AGO3: variants seen among roughly 807,000 people sequenced by gnomAD.
AGO3 encodes protein argonaute-3.
A neutral mutation model predicts 105.5 loss-of-function variants in AGO3; 16 were observed. The ratio of observed to expected loss-of-function variants is 0.15; its 90% CI spans 0.10 to 0.23. AGO3 has a LOEUF of 0.23. AGO3 is among the 10% of genes least tolerant of loss of function. The probability of loss-of-function intolerance (pLI) is 1.00; values close to 1 mark genes in which losing one functional copy is unlikely to be tolerated. For missense variants in AGO3, 534 were observed against 1,088.0 expected, an observed-to-expected ratio of 0.49 and a Z score of 7.16; for synonymous variants, 340 against 367.3, an observed-to-expected ratio of 0.93 and a Z score of 0.85.
At chr1:36,047,449 A>G (rs569856533) in intron 17 of AGO3, among the ~76,000 whole-genome samples, 4 of 149,606 alleles carry the variant, frequency 2.7e-5, no homozygotes, top group Non-Finnish European at 4.5e-5. Flanking sequence ...TCGGAGTCAG[A>G]AAAAAAAAAG....
rs529992618 is a variant in AGO3, at chr1:36,072,307, C to T, written c.*16562C>T. On this transcript the variant is annotated 3_prime_UTR_variant, in exon 19 of 19. Coordinates refer to ENST00000373191, the MANE Select transcript of AGO3 (RefSeq NM_024852.4). ...GAAATTGTCATGATTCTTTCTGAGCCAAACTGTCACGAAATGTTCTGTGAC... is the reference window on the plus strand; with the variant it reads ...GAAATTGTCATGATTCTTTCTGAGCTAAACTGTCACGAAATGTTCTGTGAC... 5.9e-5 allele frequency: 9 copies of T among 152,316 alleles called. No individual in the cohort carries two copies. The highest frequency in any genetic ancestry group is 2.2e-4 in the African/African-American group (9 of 41,572). The allele number at this position is 152,316 out of a possible 1,614,324, so 9.4% of individuals were successfully genotyped here.
intron 2 of AGO3, among the ~76,000 whole-genome samples, chr1:35,964,161 T>C (rs1487680920): frequency 6.6e-6 from 1 of 152,140 alleles, no homozygotes; most frequent in Non-Finnish European, 1.5e-5. Context: ...GTATTTAAGT[T>C]CAGAGGTATA....
intron 5 of AGO3, among the ~76,000 whole-genome samples, chr1:35,995,792 C>T (rs1024372990): frequency 3.3e-5 from 5 of 152,136 alleles, no homozygotes; most frequent in Admixed American, 1.3e-4. Context: ...ATTCCCCCAC[C>T]TCAGCCTCCT....
intron 2 of AGO3, among the ~76,000 whole-genome samples, chr1:35,953,880 T>A (rs916372120): frequency 4.6e-5 from 7 of 152,188 alleles, no homozygotes; most frequent in Non-Finnish European, 8.8e-5. Flanking sequence ...ATGTTCTAGA[T>A]AAAAGTCCCT....
At chr1:36,012,130 T>C (rs909736086) in intron 9 of AGO3, among the ~76,000 whole-genome samples, 18 of 149,940 alleles carry the variant, frequency 1.2e-4, no homozygotes, top group Non-Finnish European at 1.5e-5. Context: ...AGCCCAGGAG[T>C]TCAAGACCAG....
chr1:35,958,146 G>C (rs979938067), intron 2 of AGO3, among the ~76,000 whole-genome samples: 7 of 152,140 alleles, frequency 4.6e-5, no homozygotes, highest in Admixed American at 2.0e-4. Context: ...ACTTTGGGAG[G>C]CCAAGGCGGG....
At position 36,013,761 on chromosome 1, in the gene AGO3, T is replaced by G; in HGVS notation, c.1272+9T>G. 1 of 1,612,642 alleles carries G rather than the reference T, an allele frequency of 6.2e-7. No homozygotes were observed. Among genetic ancestry groups the G allele is most frequent in the Non-Finnish European group, 8.5e-7 (1 of 1,178,950 alleles). On this transcript the variant is annotated intron_variant, in intron 10 of 18. Transcript: ENST00000373191. Reference sequence around the variant, plus strand: ...TCCAGTATGGAGGACGGGTAAAGTCTCTTGTTAATGTTTTAATCATACACA... The same window carrying G: ...TCCAGTATGGAGGACGGGTAAAGTCGCTTGTTAATGTTTTAATCATACACA...
intron 8 of AGO3, chr1:36,009,262 A>G (rs1182368313): frequency 2.4e-6 from 2 of 816,530 alleles, no homozygotes; most frequent in Non-Finnish European, 1.8e-6. Context: ...TTGGTATACT[A>G]TACTTCTTTC....
At chr1:35,993,079 A>C (rs1647836150) in intron 5 of AGO3, among the ~76,000 whole-genome samples, 1 of 152,168 alleles carries the variant, frequency 6.6e-6, no homozygotes, top group South Asian at 2.1e-4. Flanking sequence ...TGAAAGTTAC[A>C]TTCTTTTATT....
At chr1:35,940,332 G>T (rs1462294100) in intron 1 of AGO3, among the ~76,000 whole-genome samples, 2 of 152,296 alleles carry the variant, frequency 1.3e-5, no homozygotes, top group East Asian at 3.9e-4. Context: ...CTCCCAGAGT[G>T]CTGGGATTAC....
At chr1:36,005,149 C>T (rs1254438357) in intron 6 of AGO3, among the ~76,000 whole-genome samples, 1 of 151,930 alleles carries the variant, frequency 6.6e-6, no homozygotes, top group African/African-American at 2.4e-5. Context: ...TCTGATACTC[C>T]CTAATCAGAA....
At chr1:35,995,209 A>ATATATATATATATATATATAT (rs1553164849) in intron 5 of AGO3, among the ~76,000 whole-genome samples, 3 of 114,734 alleles carry the variant, frequency 2.6e-5, no homozygotes, top group African/African-American at 1.1e-4. Flanking sequence ...TAAAAAAAAA[A>ATATATATATATATATATATAT]ATATATATAT....
chr1:35,949,195 G>T (rs561629859), intron 2 of AGO3, among the ~76,000 whole-genome samples: 1 of 152,238 alleles, frequency 6.6e-6, no homozygotes. Flanking sequence ...TGCCTGCCCC[G>T]GCCTCCCAAA....
Position 36,027,085 on chromosome 1 carries a change from GTT to G in AGO3, c.1407-26_1407-25del. ...TGTAGGAATTCATGACTAGACAAAG[GTT>G]TTATATTTAGTGGTTTCTCCTTCCA... On this transcript the variant is annotated intron_variant, in intron 11 of 18. Transcript: ENST00000373191. This position sits in a 1 kb window ranked among gnomAD's most constrained non-coding sequence, Gnocchi z 4.0. 1 of 1,593,240 alleles carries G rather than the reference GTT, an allele frequency of 6.3e-7. No individual in the cohort carries two copies. Among genetic ancestry groups the G allele is most frequent in the Non-Finnish European group, 8.5e-7 (1 of 1,169,772 alleles).
intron 12 of AGO3, among the ~76,000 whole-genome samples, chr1:36,029,502 C>T (rs1230248908): frequency 6.7e-6 from 1 of 148,678 alleles, no homozygotes; most frequent in East Asian, 2.0e-4. Context: ...TCACGCCATT[C>T]TCCTGCCTCA....
At chr1:36,007,811 A>T (rs996335994) in intron 6 of AGO3, among the ~76,000 whole-genome samples, 1 of 152,182 alleles carries the variant, frequency 6.6e-6, no homozygotes, top group African/African-American at 2.4e-5. Flanking sequence ...AGAACATTCC[A>T]TCACCTCAAG....
At chr1:36,016,268 G>A (rs1249014575) in intron 11 of AGO3, among the ~76,000 whole-genome samples, 3 of 152,072 alleles carry the variant, frequency 2.0e-5, no homozygotes, top group Non-Finnish European at 4.4e-5. Context: ...TGCAACCTCC[G>A]CCTCTCAGGT....
intron 6 of AGO3, among the ~76,000 whole-genome samples, chr1:36,004,976 A>G (rs1640271587): frequency 6.6e-6 from 1 of 152,132 alleles, no homozygotes; most frequent in Admixed American, 6.6e-5. Context: ...TATAGAGTTG[A>G]CTGTTGATCT....
rs576869448 is a variant in AGO3 at position 36,027,966 on chromosome 1, G to A, written c.1591+668G>A. On this transcript the variant is annotated intron_variant, in intron 12 of 18. Transcript: ENST00000373191. This position sits in a 1 kb window ranked among gnomAD's most constrained non-coding sequence, Gnocchi z 4.0. The stretch of plus-strand genomic sequence containing the variant: ...AGGTACTGCCGGTTCTACTACCTGT[G>A]TGATTTGGCTGAATTACTTAATCAC... Among the ~76,000 whole-genome samples the A allele has an allele frequency of 6.6e-6, 1 of 152,252 alleles. No homozygotes were observed. The highest frequency in any genetic ancestry group is 2.1e-4 in the South Asian group (1 of 4,824).
Sources: gnomAD v4.1 joint callset for allele counts (sites outside exome capture counted in the v4.1 genomes callset) on GRCh38, gnomAD v4.1.1 for gene constraint, Gnocchi (gnomAD v3.1) non-coding constraint, MANE v1.5 for transcripts, NCBI Gene and HGNC (gene_info 2026-07-23, HGNC 2026-07-21) for gene names.